MGAT5: variants seen among roughly 807,000 people sequenced by gnomAD.
MGAT5 encodes the protein alpha-1,6-mannosylglycoprotein 6-beta-N-acetylglucosaminyltransferase A.
Under a neutral mutation model 94.3 loss-of-function variants are expected in MGAT5, and 30 were observed. The ratio of observed to expected loss-of-function variants is 0.32; its 90% CI spans 0.24 to 0.43. MGAT5 has a LOEUF of 0.43. Ranked by LOEUF, MGAT5 falls within the 20% of genes least tolerant of loss-of-function variation. The pLI, the probability that MGAT5 is intolerant of heterozygous loss-of-function variation, is 1.00. For synonymous variants in MGAT5, 310 were observed against 322.9 expected, an observed-to-expected ratio of 0.96 and a Z score of 0.43; for missense variants, 691 against 905.5, an observed-to-expected ratio of 0.76 and a Z score of 3.04.
At chr2:134,403,334 A>G (rs1039249106) in intron 11 of MGAT5, among the ~76,000 whole-genome samples, 197 bp downstream of exon 11, 1 of 152,168 alleles carries the variant, frequency 6.6e-6, no homozygotes, top group African/African-American at 2.4e-5. Flanking sequence ...TCATTGATTT[A>G]TTCAAAAATC....
Position 134,139,061 on chromosome 2 carries a change from C to T in MGAT5, c.-143+18770C>T, listed in dbSNP as rs114361339. 3.2e-3 allele frequency among the ~76,000 whole-genome samples: 483 copies of T among 152,326 alleles called. 5 individuals are homozygous for T. The highest frequency in any genetic ancestry group is 0.011 in the African/African-American group (460 of 41,570). On this transcript the variant is annotated intron_variant, in intron 1 of 16. Coordinates refer to the MGAT5 transcript ENST00000409645. ...GAAGATGAGTTCTGCTCTAAGAATACAGCCGAAGAGAAATTCTCTAAGGCT... is the reference window on the plus strand; with the variant it reads ...GAAGATGAGTTCTGCTCTAAGAATATAGCCGAAGAGAAATTCTCTAAGGCT...
At chr2:134,266,468 G>A (rs1246432707) in intron 1 of MGAT5, among the ~76,000 whole-genome samples, 6 of 152,306 alleles carry the variant, frequency 3.9e-5, no homozygotes, top group Middle Eastern at 3.4e-3. Context: ...TGATCCGCCT[G>A]CCTCGGCCTC....
rs925093337 is a variant in MGAT5, at chr2:134,294,593, G to A, written c.407-22936G>A. Among the ~76,000 whole-genome samples, 7 of 152,106 alleles carry A rather than the reference G, an allele frequency of 4.6e-5. No individual in the cohort carries two copies. In the East Asian group the frequency reaches 1.2e-3, roughly 25 times the overall value. On this transcript the variant is annotated intron_variant, in intron 2 of 15. Coordinates refer to ENST00000281923, the MANE Select transcript of MGAT5 (RefSeq NM_002410.5). ...TTCCTCTTCAAAGACTTTCCTCCCC[G>A]TCTAATTAAGAATAAATAGTAACTT...
At chr2:134,398,002 GT>G (rs1443161755) in intron 10 of MGAT5, among the ~76,000 whole-genome samples, 8 of 152,196 alleles carry the variant, frequency 5.3e-5, no homozygotes, top group Non-Finnish European at 1.5e-5. Flanking sequence ...ATTATTGTAT[GT>G]TTGTAAAACC....
chr2:134,253,445 C>A (rs1197792011), upstream of MGAT5, among the ~76,000 whole-genome samples: 2 of 152,176 alleles, frequency 1.3e-5, no homozygotes, highest in Admixed American at 6.5e-5. Flanking sequence ...CTGGTCTGTG[C>A]TGGCATTAGA....
chr2:134,170,228 C>T (rs2105110368), intron 1 of MGAT5, among the ~76,000 whole-genome samples: 1 of 152,334 alleles, frequency 6.6e-6, no homozygotes, highest in South Asian at 2.1e-4. Context: ...CAAATCTTGA[C>T]TGCACTTACT....
At chr2:134,187,399 G>A (rs1490657185) in intron 1 of MGAT5, among the ~76,000 whole-genome samples, 1 of 152,140 alleles carries the variant, frequency 6.6e-6, no homozygotes, top group African/African-American at 2.4e-5. Flanking sequence ...TAATGATAAG[G>A]GGTTGGATGT....
chr2:134,382,137 C>G (rs988559619), intron 10 of MGAT5, among the ~76,000 whole-genome samples: 6 of 152,012 alleles, frequency 3.9e-5, no homozygotes, highest in Admixed American at 3.9e-4. Context: ...CATCTGTAAT[C>G]CCAGCACGTT....
In MGAT5 at chr2:134,351,433, G is replaced by A. The variant is rs568785793; in HGVS notation, c.1246+1495G>A. 9.9e-5 allele frequency among the ~76,000 whole-genome samples: 15 copies of A among 152,260 alleles called. No individual in the cohort carries two copies. In the South Asian group the frequency reaches 2.1e-3, roughly 21 times the overall value. Reference sequence around the variant, plus strand: ...AAAACCGCTGGGTGATATGGCAGGCGTGTGCCCTACAAGAGATAGAGTTTC... The same window carrying A: ...AAAACCGCTGGGTGATATGGCAGGCATGTGCCCTACAAGAGATAGAGTTTC... On this transcript the variant is annotated intron_variant, in intron 9 of 15. Coordinates refer to ENST00000281923, the MANE Select transcript of MGAT5 (RefSeq NM_002410.5).
chr2:134,151,956 ACT>A (rs1318044016), intron 1 of MGAT5, among the ~76,000 whole-genome samples: 1 of 137,188 alleles, frequency 7.3e-6, no homozygotes. Flanking sequence ...GACCTCACTC[ACT>A]CAAGCCCTAT....
At position 134,403,263 on chromosome 2, in the gene MGAT5, T is replaced by G; in HGVS notation, c.1530+126T>G. ...TTGTGGCTATTTTGGGGCAGCAGTT[T>G]GCTAGACCAATGGCAGCTGAAAAGT... is the stretch of plus-strand genomic sequence containing the variant. On this transcript the variant is annotated intron_variant, in intron 11 of 15. Transcript: ENST00000281923. 3 of 939,312 alleles carry G rather than the reference T, an allele frequency of 3.2e-6. No homozygotes were observed. In the South Asian group the frequency reaches 5.7e-5, roughly 18 times the overall value. The allele number at this position is 939,312 out of a possible 1,614,324, so 58.2% of individuals were successfully genotyped here. A position where few individuals can be genotyped will look rare whatever the true frequency, so the allele number is the denominator to read the frequency against.
chr2:134,375,524 A>G (rs1414225782), intron 10 of MGAT5, among the ~76,000 whole-genome samples: 2 of 152,210 alleles, frequency 1.3e-5, no homozygotes, highest in Non-Finnish European at 2.9e-5. Flanking sequence ...CTTTATTCTA[A>G]AGATGAAATG....
At position 134,268,729 on chromosome 2, in the gene MGAT5, C is replaced by T. The variant is rs1014427053; in HGVS notation, c.242-1657C>T. Among the ~76,000 whole-genome samples, 1 of 152,174 alleles carries T rather than the reference C, an allele frequency of 6.6e-6. No homozygotes were observed. The highest frequency in any genetic ancestry group is 1.5e-5 in the Non-Finnish European group (1 of 68,032). On this transcript the variant is annotated intron_variant, in intron 1 of 15. Transcript: ENST00000281923. The surrounding 1 kb of genome is among the most constrained non-coding windows in gnomAD (Gnocchi z 4.1). ...TATGTGCCAGCCAGTATTCAAAACACCTTATAAATATTAACTCTTTAACTC... is the reference window on the plus strand; with the variant it reads ...TATGTGCCAGCCAGTATTCAAAACATCTTATAAATATTAACTCTTTAACTC...
chr2:134,255,458 TATATATATAC>T (rs1042731227), intron 1 of MGAT5, among the ~76,000 whole-genome samples: 11 of 149,770 alleles, frequency 7.3e-5, no homozygotes, highest in South Asian at 2.1e-4. Flanking sequence ...CACACACAAA[TATATATATAC>T]ATATATATAC....
intron 13 of MGAT5, among the ~76,000 whole-genome samples, chr2:134,425,435 C>A (rs541746989): frequency 6.7e-6 from 1 of 149,922 alleles, no homozygotes; most frequent in Admixed American, 6.6e-5. Flanking sequence ...TTTTTTGTTT[C>A]TTTCTTTCTT....
rs988494160 is a variant in MGAT5 at position 134,452,099 on chromosome 2, T to C, written c.*3252T>C. 6.6e-6 allele frequency: 1 copy of C among 152,230 alleles called. No homozygotes were observed. Among genetic ancestry groups the C allele is most frequent in the African/African-American group, 2.4e-5 (1 of 41,444 alleles). The allele number at this position is 152,230 out of a possible 1,614,324, so 9.4% of individuals were successfully genotyped here. A position where few individuals can be genotyped will look rare whatever the true frequency, so the allele number is the denominator to read the frequency against. ...TCCTCCAGCTAAGAGACAGGACATG[T>C]TCTTGAGCCACTGTAGCTGTTGAAG... On this transcript the variant is annotated 3_prime_UTR_variant, in exon 16 of 16. Coordinates refer to ENST00000281923, the MANE Select transcript of MGAT5 (RefSeq NM_002410.5).
At chr2:134,265,638 A>G (rs1683667258) in intron 1 of MGAT5, among the ~76,000 whole-genome samples, 1 of 152,232 alleles carries the variant, frequency 6.6e-6, no homozygotes, top group Admixed American at 6.5e-5. Flanking sequence ...GAATTGCAGT[A>G]GTAATGTTGG....
At chr2:134,233,536 A>G (rs113930858) in intron 1 of MGAT5, among the ~76,000 whole-genome samples, 1,696 of 152,328 alleles carry the variant, frequency 0.011, 22 homozygotes, top group African/African-American at 0.037. Context: ...AAAGGAACTG[A>G]AGGGAAGAAA....
At chr2:134,391,667 G>C (rs372803577) in intron 10 of MGAT5, among the ~76,000 whole-genome samples, 1 of 152,162 alleles carries the variant, frequency 6.6e-6, no homozygotes. Context: ...ACCATCACAG[G>C]GGGGATAAGG....
Sources: allele counts gnomAD v4.1 joint callset (sites outside exome capture counted in the v4.1 genomes callset), GRCh38; gene constraint gnomAD v4.1.1; non-coding constraint Gnocchi (gnomAD v3.1); transcripts MANE v1.5; gene names NCBI Gene and HGNC (gene_info 2026-07-23, HGNC 2026-07-21).